Variants in CRPPA observed in about 807,000 individuals in gnomAD.
CRPPA encodes the protein CDP-L-ribitol pyrophosphorylase A, also known as D-ribitol-5-phosphate cytidylyltransferase.
CRPPA carries 43 observed loss-of-function variants against 52.0 expected under a neutral mutation model. The ratio of observed to expected loss-of-function variants is 0.83; its 90% CI spans 0.65 to 1.07. The LOEUF (loss-of-function observed/expected upper bound fraction) is 1.07. CRPPA is among the 50% of genes least tolerant of loss of function. The pLI is 0.00. For synonymous variants in CRPPA, 250 were observed against 203.5 expected, an observed-to-expected ratio of 1.23 and a Z score of -1.94; for missense variants, 629 against 551.7, an observed-to-expected ratio of 1.14 and a Z score of -1.40.
At chr7:16,253,109 T>C (rs1254515089) in intron 8 of CRPPA, among the ~76,000 whole-genome samples, 7 of 152,200 alleles carry the variant, frequency 4.6e-5, no homozygotes, top group Non-Finnish European at 8.8e-5. Flanking sequence ...TCTCCTTCAG[T>C]TCTGCTCTGA....
intron 2 of CRPPA, among the ~76,000 whole-genome samples, chr7:16,376,960 G>A (rs939480237): frequency 1.1e-4 from 17 of 152,066 alleles, no homozygotes; most frequent in African/African-American, 2.4e-4. Flanking sequence ...TAGTGAAACC[G>A]CTTTAAAATA....
At chr7:16,186,741 T>C (rs1781511409) in intron 9 of CRPPA, among the ~76,000 whole-genome samples, 1 of 152,190 alleles carries the variant, frequency 6.6e-6, no homozygotes, top group Admixed American at 6.5e-5. Flanking sequence ...CCTGATTTTT[T>C]GTAAGCTCAA....
chr7:16,406,317 A>G lies in CRPPA; in HGVS notation c.278T>C (p.Ile93Thr). The G allele has an allele frequency of 6.2e-7, 1 of 1,613,640 alleles. No homozygotes were observed. The highest frequency in any genetic ancestry group is 8.5e-7 in the Non-Finnish European group (1 of 1,179,570). The change falls in exon 2 of 10, where the codon ATT becomes ACT. Residue 93 changes from isoleucine to threonine, a missense_variant. Ile to Thr is a moderately conservative substitution (Grantham distance 89). Transcript: ENST00000407010. ...GTTCTCTCCAGTTACTGCCACAACA[A>G]TGTCCTTTATCCAACATACTCTAAA... is the stretch of plus-strand genomic sequence containing the variant. ...ALERVCWIKD[I>T]VVAVTGENME...
At chr7:16,263,026 G>A (rs945205277) in intron 6 of CRPPA, among the ~76,000 whole-genome samples, 1 of 152,118 alleles carries the variant, frequency 6.6e-6, no homozygotes, top group Non-Finnish European at 1.5e-5. Context: ...CTATTTTTAA[G>A]TACTTTAAGG....
intron 6 of CRPPA, among the ~76,000 whole-genome samples, chr7:16,275,921 A>G (rs1171700552): frequency 6.6e-6 from 1 of 152,070 alleles, no homozygotes; most frequent in Non-Finnish European, 1.5e-5. Flanking sequence ...ACCCATGCAC[A>G]TCAGAAAGAC....
intron 2 of CRPPA, among the ~76,000 whole-genome samples, chr7:16,376,600 C>A (rs867360410): frequency 2.0e-5 from 3 of 152,008 alleles, no homozygotes; most frequent in Middle Eastern, 3.2e-3. Context: ...ATATGGATTG[C>A]AAATTAATAT....
At chr7:16,254,796 A>AAG (rs1783575605) in intron 8 of CRPPA, among the ~76,000 whole-genome samples, 22 of 49,588 alleles carry the variant, frequency 4.4e-4, no homozygotes, top group African/African-American at 1.5e-3. Flanking sequence ...AAAGAAGGAA[A>AAG]GAAAGAAAGA....
intron 2 of CRPPA, among the ~76,000 whole-genome samples, chr7:16,392,672 T>C (rs1013824738): frequency 3.3e-5 from 5 of 152,224 alleles, no homozygotes; most frequent in Non-Finnish European, 7.4e-5. Context: ...AAGCCATTAA[T>C]AAATTGCTTT....
intron 1 of CRPPA, among the ~76,000 whole-genome samples, chr7:16,417,185 A>G (rs1401468558): frequency 6.6e-6 from 1 of 152,194 alleles, no homozygotes. Context: ...ACACTTATAC[A>G]CTGTTACTGG....
At chr7:16,288,995 A>T (rs1784505547) in intron 5 of CRPPA, among the ~76,000 whole-genome samples, 2 of 151,934 alleles carry the variant, frequency 1.3e-5, no homozygotes. Context: ...AAGAGCCACC[A>T]AATAAAGTGA....
chr7:16,376,091 C>T lies in CRPPA; in HGVS notation c.684+1G>A, dbSNP rs1430593454. On this transcript the variant is annotated splice_donor_variant, in intron 3 of 9. Coordinates refer to ENST00000407010, the MANE Select transcript of CRPPA (RefSeq NM_001101426.4). LOFTEE classifies it high-confidence loss of function. ...CTTATTCAAAAAGCCCAAATTCTTA[C>T]CTGCTGATATGCTTCATAAATCACA... The T allele has an allele frequency of 6.4e-7, 1 of 1,572,162 alleles. No homozygotes were observed. Among genetic ancestry groups the T allele is most frequent in the Non-Finnish European group, 8.6e-7 (1 of 1,160,252 alleles).
At chr7:16,307,564 C>T (rs1422872444) in intron 4 of CRPPA, among the ~76,000 whole-genome samples, 4 of 150,790 alleles carry the variant, frequency 2.7e-5, no homozygotes, top group African/African-American at 9.8e-5. Flanking sequence ...CCTGTGATCC[C>T]AGCTACTTGG....
intron 9 of CRPPA, among the ~76,000 whole-genome samples, chr7:16,166,876 C>T (rs1025611881): frequency 6.6e-6 from 1 of 152,050 alleles, no homozygotes; most frequent in Non-Finnish European, 1.5e-5. Context: ...ACAATACCAT[C>T]CTAAGCTTGT....
intron 9 of CRPPA, among the ~76,000 whole-genome samples, chr7:16,190,317 A>C (rs1471316587): frequency 2.0e-5 from 3 of 152,204 alleles, no homozygotes; most frequent in African/African-American, 7.2e-5. Flanking sequence ...TTAACTTAAA[A>C]ACATTGCTTT....
At chr7:16,286,244 G>C (rs1467359380) in intron 5 of CRPPA, among the ~76,000 whole-genome samples, 2 of 150,150 alleles carry the variant, frequency 1.3e-5, no homozygotes, top group Non-Finnish European at 3.0e-5. Flanking sequence ...AAGGTGTTTT[G>C]GGATGAGATT....
chr7:16,205,802 A>G (rs1204897043), intron 9 of CRPPA, among the ~76,000 whole-genome samples: 1 of 152,134 alleles, frequency 6.6e-6, no homozygotes, highest in Admixed American at 6.6e-5. Flanking sequence ...AAGAAAAAAA[A>G]AAAGATGATC....
chr7:16,152,784 T>C (rs1417169502), intron 9 of CRPPA, among the ~76,000 whole-genome samples: 1 of 152,026 alleles, frequency 6.6e-6, no homozygotes, highest in Admixed American at 6.5e-5. Flanking sequence ...AATAGGACTT[T>C]TTTTCTGTAG....
chr7:16,215,136 G>T (rs1782269001), intron 9 of CRPPA, among the ~76,000 whole-genome samples: 1 of 152,134 alleles, frequency 6.6e-6, no homozygotes, highest in Non-Finnish European at 1.5e-5. Flanking sequence ...TAAAAATGCA[G>T]CCGAAATAAT....
intron 8 of CRPPA, among the ~76,000 whole-genome samples, chr7:16,256,116 A>G (rs1335240542): frequency 1.3e-5 from 2 of 152,238 alleles, no homozygotes; most frequent in Non-Finnish European, 2.9e-5. Context: ...AAACAACCCC[A>G]TAAAAAATGG....
Sources: gnomAD v4.1 joint callset for allele counts (sites outside exome capture counted in the v4.1 genomes callset) on GRCh38, gnomAD v4.1.1 for gene constraint, MANE v1.5 for transcripts, NCBI Gene and HGNC (gene_info 2026-07-23, HGNC 2026-07-21) for gene names.